KIF1B: variants seen among roughly 807,000 people sequenced by gnomAD.
KIF1B encodes the protein kinesin-like protein KIF1B.
KIF1B carries 76 observed loss-of-function variants against 241.9 expected under a neutral mutation model. The observed-to-expected ratio is 0.31, with a 90% CI of 0.26 to 0.38. The LOEUF is 0.38. KIF1B is among the 10% of genes least tolerant of loss of function. The pLI, the probability that KIF1B is intolerant of heterozygous loss-of-function variation, is 1.00. For missense variants in KIF1B, 1,622 were observed against 2,271.4 expected (o/e 0.71, Z 5.81); for synonymous variants, 750 against 796.7 (o/e 0.94, Z 0.99).
At chr1:10,236,128 C>T (rs770610576) in intron 2 of KIF1B, among the ~76,000 whole-genome samples, 4 of 150,980 alleles carry the variant, frequency 2.6e-5, no homozygotes, top group Admixed American at 6.6e-5. Context: ...AAAAATTAGC[C>T]GGACGTGGTG....
intron 19 of KIF1B, 91 bp from the exon 20 acceptor site, chr1:10,296,491 A>T: frequency 9.5e-7 from 1 of 1,055,278 alleles, no homozygotes; most frequent in Non-Finnish European, 1.4e-6. Context: ...GATTTATTCT[A>T]CTTACTGCAA....
chr1:10,364,045 A>G (rs1341660301), intron 41 of KIF1B, among the ~76,000 whole-genome samples: 1 of 152,106 alleles, frequency 6.6e-6, no homozygotes, highest in Middle Eastern at 3.2e-3. Flanking sequence ...CATGTATTTA[A>G]TATGTAAAAC....
chr1:10,279,156 T>C lies in KIF1B; in HGVS notation c.1222+18T>C. The C allele has an allele frequency of 7.1e-7, 1 of 1,414,044 alleles. No homozygotes were observed. Among genetic ancestry groups the C allele is most frequent in the Non-Finnish European group, 9.8e-7 (1 of 1,023,958 alleles). 87.6% of individuals were successfully genotyped at this position (1,414,044 alleles called of 1,614,324 possible). On this transcript the variant is annotated intron_variant, in intron 14 of 48. Coordinates refer to ENST00000676179, the MANE Select transcript of KIF1B (RefSeq NM_001365951.3). The stretch of plus-strand genomic sequence containing the variant: ...AAGCAAATGTGTGTATTTCACATAT[T>C]GGTTATTTCCAGTACTCTGACTTGC...
At chr1:10,321,346 C>T (rs1010553968) in intron 23 of KIF1B, among the ~76,000 whole-genome samples, 19 of 152,044 alleles carry the variant, frequency 1.2e-4, no homozygotes, top group Non-Finnish European at 2.4e-4. Flanking sequence ...TCAGGTGATC[C>T]GCCTACCTCT....
chr1:10,231,165 G>A (rs941610607), intron 1 of KIF1B, among the ~76,000 whole-genome samples: 11 of 152,052 alleles, frequency 7.2e-5, no homozygotes, highest in African/African-American at 2.4e-4. Context: ...AGCCGAGGTC[G>A]TGCCATTGCA....
At chr1:10,219,468 A>G (rs1646811683) in intron 1 of KIF1B, among the ~76,000 whole-genome samples, 1 of 150,324 alleles carries the variant, frequency 6.7e-6, no homozygotes, top group Non-Finnish European at 1.5e-5. Flanking sequence ...CTTAAAAGTA[A>G]AAAATAGGCC....
At chr1:10,369,488 T>C (rs1314241243) in intron 44 of KIF1B, among the ~76,000 whole-genome samples, 2 of 152,054 alleles carry the variant, frequency 1.3e-5, no homozygotes, top group African/African-American at 4.8e-5. Flanking sequence ...TTTGAAAAAT[T>C]AGCCAAATGT....
At chr1:10,339,892 G>A in intron 32 of KIF1B, 33 bp downstream of exon 32, 1 of 1,563,450 alleles carries the variant, frequency 6.4e-7, no homozygotes, top group Admixed American at 1.7e-5. Flanking sequence ...CCAAACATAT[G>A]TTTTTCTGGT....
intron 27 of KIF1B, among the ~76,000 whole-genome samples, chr1:10,329,263 A>G (rs1212397746): frequency 6.6e-6 from 1 of 152,118 alleles, no homozygotes; most frequent in Non-Finnish European, 1.5e-5. Context: ...ATAGCTTTCC[A>G]TTTTTGCCCT....
chr1:10,281,552 G>T (rs879521550), intron 14 of KIF1B, among the ~76,000 whole-genome samples: 1 of 152,102 alleles, frequency 6.6e-6, no homozygotes, highest in Admixed American at 6.5e-5. Context: ...CTAATTAAGG[G>T]CCTTAAATTA....
At chr1:10,250,249 T>A (rs1571137438) in intron 2 of KIF1B, among the ~76,000 whole-genome samples, 1 of 152,214 alleles carries the variant, frequency 6.6e-6, no homozygotes, top group Admixed American at 6.5e-5. Flanking sequence ...CCTTTAATTC[T>A]GTAAACTAGG....
At chr1:10,220,108 A>G (rs1646821434) in intron 1 of KIF1B, among the ~76,000 whole-genome samples, 1 of 151,636 alleles carries the variant, frequency 6.6e-6, no homozygotes, top group African/African-American at 2.4e-5. Flanking sequence ...AGGCTGAAGT[A>G]GGAGAATCAC....
At chr1:10,281,919 A>G (rs1649422596) in intron 14 of KIF1B, among the ~76,000 whole-genome samples, 1 of 152,226 alleles carries the variant, frequency 6.6e-6, no homozygotes, top group Admixed American at 6.5e-5. Flanking sequence ...CCTTACTGTT[A>G]CAAACTACTG....
intron 2 of KIF1B, among the ~76,000 whole-genome samples, chr1:10,236,050 A>G (rs571617215): frequency 6.6e-6 from 1 of 152,048 alleles, no homozygotes; most frequent in South Asian, 2.1e-4. Flanking sequence ...ACGCGGATGG[A>G]TCACGAGGTC....
chr1:10,377,648 T>C lies in KIF1B; in HGVS notation c.*1061T>C, dbSNP rs1433736717. ...ATGGTCATTGTTATGATTAAGATAA[T>C]GCCGGGCAGGCCGGGCACAGTGGCT... On this transcript the variant is annotated 3_prime_UTR_variant, in exon 49 of 49. Transcript: ENST00000676179. 1 of 200,164 alleles carries C rather than the reference T, an allele frequency of 5.0e-6. No homozygotes were observed. The highest frequency in any genetic ancestry group is 1.0e-5 in the Non-Finnish European group (1 of 97,170). 12.4% of individuals were successfully genotyped at this position (200,164 alleles called of 1,614,324 possible).
intron 22 of KIF1B, chr1:10,306,700 C>G (rs1266259526): frequency 1.2e-6 from 1 of 809,134 alleles, no homozygotes; most frequent in African/African-American, 2.1e-5. Flanking sequence ...GTAATGGGAT[C>G]TTGCCTATGA....
intron 22 of KIF1B, chr1:10,305,078 T>C: frequency 9.4e-7 from 1 of 1,069,364 alleles, no homozygotes; most frequent in Non-Finnish European, 1.1e-6. Flanking sequence ...TTCATAAATG[T>C]TAGAAATTGG....
intron 2 of KIF1B, among the ~76,000 whole-genome samples, chr1:10,251,346 T>TA (rs1395655407): frequency 2.1e-5 from 3 of 142,574 alleles, no homozygotes; most frequent in Middle Eastern, 3.6e-3. Context: ...TTTTTTTTTT[T>TA]ACTAAGGAAA....
chr1:10,261,887 C>G lies in KIF1B; in HGVS notation c.364-18C>G. On this transcript the variant is annotated intron_variant, in intron 4 of 48. Transcript: ENST00000676179. ...TCTCATTTGTGCTCTTCATGCCTCT[C>G]TCATTCTACTTCCCTAGTTATGTGA... The G allele has an allele frequency of 6.4e-7, 1 of 1,568,888 alleles. No homozygotes were observed. The highest frequency in any genetic ancestry group is 8.8e-7 in the Non-Finnish European group (1 of 1,138,772).
Sources: allele counts gnomAD v4.1 joint callset (sites outside exome capture counted in the v4.1 genomes callset), GRCh38; gene constraint gnomAD v4.1.1; transcripts MANE v1.5; gene names NCBI Gene and HGNC (gene_info 2026-07-23, HGNC 2026-07-21).